ZEB2: variants seen among roughly 807,000 people sequenced by gnomAD.
The protein encoded by ZEB2 is zinc finger E-box-binding homeobox 2.
In ZEB2, 6 loss-of-function variants were observed where a neutral mutation model predicts 99.9. That is an observed-to-expected ratio of 0.06 (90% confidence interval 0.03 to 0.12). The LOEUF is 0.12. Among genes scored for constraint, ZEB2 ranks in the 10% least tolerant of loss-of-function variants. The pLI is 1.00. For synonymous variants in ZEB2, 517 were observed against 542.5 expected, an observed-to-expected ratio of 0.95 and a Z score of 0.65; for missense variants, 969 against 1,502.8, an observed-to-expected ratio of 0.64 and a Z score of 5.87.
intron 2 of ZEB2, among the ~76,000 whole-genome samples, chr2:144,497,186 G>A (rs1704774209): frequency 6.6e-6 from 1 of 151,976 alleles, no homozygotes; most frequent in Non-Finnish European, 1.5e-5. Context: ...CTGCCATGAA[G>A]TGACCCCTCA....
At chr2:144,394,211 G>A (rs185083862) in intron 9 of ZEB2, among the ~76,000 whole-genome samples, 15 of 152,258 alleles carry the variant, frequency 9.9e-5, no homozygotes, top group Admixed American at 7.2e-4. Flanking sequence ...ATGAGCCACC[G>A]CATCAGGCCT....
chr2:144,394,751 A>T (rs1339312407), intron 9 of ZEB2, among the ~76,000 whole-genome samples: 1 of 152,164 alleles, frequency 6.6e-6, no homozygotes, highest in Non-Finnish European at 1.5e-5. Flanking sequence ...AAAGAAAAAG[A>T]AAACTGTATT....
chr2:144,434,448 G>A (rs2149893168), intron 2 of ZEB2, among the ~76,000 whole-genome samples: 1 of 152,310 alleles, frequency 6.6e-6, no homozygotes, highest in Admixed American at 6.5e-5. Flanking sequence ...TACAGGCACA[G>A]TGAGGTCAAA....
chr2:144,390,890 G>A (rs1224739994), intron 9 of ZEB2, among the ~76,000 whole-genome samples: 3 of 152,068 alleles, frequency 2.0e-5, no homozygotes, highest in Non-Finnish European at 4.4e-5. Flanking sequence ...ACCTTCCATA[G>A]CTGCCATACT....
chr2:144,425,068 T>A (rs1703673935), intron 3 of ZEB2: 1 of 588,406 alleles, frequency 1.7e-6, no homozygotes. Flanking sequence ...ACTTTAAGCA[T>A]TACTGCAAGC....
At chr2:144,517,198 C>T (rs1241128632) in intron 2 of ZEB2, 80 bp downstream of exon 2, 4 of 1,591,028 alleles carry the variant, frequency 2.5e-6, no homozygotes, top group Non-Finnish European at 2.6e-6. Flanking sequence ...GCCTCGGTTC[C>T]TTTTCCCTTT....
intron 5 of ZEB2, among the ~76,000 whole-genome samples, 155 bp downstream of exon 5, chr2:144,404,681 A>G (rs974877154): frequency 1.3e-5 from 2 of 152,258 alleles, no homozygotes; most frequent in Admixed American, 1.3e-4. Context: ...ATTTCACAAT[A>G]CCCTAAAATT....
At chr2:144,479,701 G>GGGGGGGGGTT (rs1704482781) in intron 2 of ZEB2, among the ~76,000 whole-genome samples, 1 of 106,230 alleles carries the variant, frequency 9.4e-6, no homozygotes, top group East Asian at 3.3e-4. Context: ...GGGGCGGGGG[G>GGGGGGGGGTT]TGGACTTTGA....
intron 2 of ZEB2, among the ~76,000 whole-genome samples, chr2:144,438,526 C>T (rs539933312): frequency 3.3e-5 from 5 of 152,188 alleles, no homozygotes; most frequent in South Asian, 4.2e-4. Flanking sequence ...TTCTCCTGAT[C>T]GCTGTGGCTT....
intron 2 of ZEB2, among the ~76,000 whole-genome samples, chr2:144,446,125 C>A (rs978850622): frequency 3.3e-5 from 5 of 151,942 alleles, no homozygotes; most frequent in African/African-American, 1.2e-4. Flanking sequence ...ACTTGGGAAT[C>A]CCTAGTTCAG....
intron 2 of ZEB2, among the ~76,000 whole-genome samples, chr2:144,460,559 G>A (rs1171932803): frequency 1.3e-5 from 2 of 152,032 alleles, no homozygotes; most frequent in Admixed American, 6.6e-5. Flanking sequence ...ATCTTAGAAC[G>A]GGGCACCTGG....
intron 2 of ZEB2, among the ~76,000 whole-genome samples, chr2:144,501,963 C>T (rs1193576500): frequency 6.6e-6 from 1 of 152,184 alleles, no homozygotes; most frequent in Admixed American, 6.5e-5. Flanking sequence ...CCTAGCCACC[C>T]CGACCTGTAT....
chr2:144,505,537 T>C (rs1460002209), intron 2 of ZEB2, among the ~76,000 whole-genome samples: 1 of 152,214 alleles, frequency 6.6e-6, no homozygotes, highest in Non-Finnish European at 1.5e-5. Context: ...TGGGCACCTC[T>C]ATATAAATGT....
chr2:144,496,970 G>A (rs1188106794), intron 2 of ZEB2: 3 of 152,084 alleles, frequency 2.0e-5, no homozygotes, highest in Non-Finnish European at 4.4e-5. Flanking sequence ...ACATTCTTCT[G>A]CTCCCTGACC....
chr2:144,508,413 C>T (rs1028883067), intron 2 of ZEB2, among the ~76,000 whole-genome samples: 17 of 152,178 alleles, frequency 1.1e-4, no homozygotes, highest in South Asian at 2.1e-4. Flanking sequence ...GCCTGACACA[C>T]GGTGTAACAA....
At chr2:144,413,179 T>G (rs1703488196) in intron 4 of ZEB2, among the ~76,000 whole-genome samples, 1 of 152,136 alleles carries the variant, frequency 6.6e-6, no homozygotes, top group Admixed American at 6.5e-5. Flanking sequence ...AATTAAAAAC[T>G]CAAAACAACA....
intron 2 of ZEB2, among the ~76,000 whole-genome samples, chr2:144,458,209 T>C (rs1004157352): frequency 2.0e-5 from 3 of 152,040 alleles, no homozygotes; most frequent in Non-Finnish European, 4.4e-5. Flanking sequence ...CTGGTATTTT[T>C]ATTTGCTGAA....
intron 4 of ZEB2, among the ~76,000 whole-genome samples, chr2:144,407,925 A>G (rs1703410138): frequency 6.6e-6 from 1 of 152,248 alleles, no homozygotes; most frequent in Admixed American, 6.5e-5. Context: ...TCATTTGCAT[A>G]TGAATGTTTC....
intron 2 of ZEB2, among the ~76,000 whole-genome samples, chr2:144,508,517 G>A (rs920314471): frequency 2.6e-5 from 4 of 151,888 alleles, no homozygotes; most frequent in East Asian, 3.9e-4. Context: ...ACTCTTTTTC[G>A]AAACTAAATA....
Sources: gnomAD v4.1 joint callset for allele counts (sites outside exome capture counted in the v4.1 genomes callset) on GRCh38, gnomAD v4.1.1 for gene constraint, MANE v1.5 for transcripts, NCBI Gene and HGNC (gene_info 2026-07-23, HGNC 2026-07-21) for gene names.